The following IGSF10 variants were observed in gnomAD, a reference collection of about 807,000 sequenced individuals.
IGSF10 encodes calvaria mechanical force protein 608.
Under a neutral mutation model 128.2 loss-of-function variants are expected in IGSF10, and 126 were observed. The observed-to-expected ratio is 0.98, with a 90% CI of 0.85 to 1.14. The LOEUF (loss-of-function observed/expected upper bound fraction) is 1.14. Ranked by LOEUF, IGSF10 falls within the 50% of genes most tolerant of loss-of-function variation. IGSF10 has a pLI of 0.00. For synonymous variants in IGSF10, 1,185 were observed against 1,146.2 expected (o/e 1.03, Z -0.68); for missense variants, 3,295 against 3,149.8 (o/e 1.05, Z -1.10).
the IGSF10 span, among the ~76,000 whole-genome samples, chr3:151,618,271 G>C: frequency 1.3e-5 from 2 of 152,118 alleles, no homozygotes; most frequent in Admixed American, 6.5e-5. Context: ...TTGGACATCT[G>C]TCTCCAGAAT....
At chr3:151,492,724 C>T in the IGSF10 span, among the ~76,000 whole-genome samples, 1 of 122,318 alleles carries the variant, frequency 8.2e-6, no homozygotes, top group Non-Finnish European at 1.7e-5. Context: ...GTGTTTAAGA[C>T]TCATTCTCAA....
intron 6 of IGSF10, among the ~76,000 whole-genome samples, chr3:151,444,385 G>T (rs1004404819): frequency 6.6e-6 from 1 of 152,192 alleles, no homozygotes; most frequent in South Asian, 2.1e-4. Flanking sequence ...TTGGCTCACT[G>T]CAACCTCCGC....
In IGSF10 at chr3:151,436,416, A is replaced by G. The variant is rs1316577784; in HGVS notation, c.*273T>C. The G allele has an allele frequency of 1.4e-5, 4 of 278,304 alleles. No homozygotes were observed. Among genetic ancestry groups the G allele is most frequent in the East Asian group, 1.6e-4 (2 of 12,620 alleles). The allele number at this position is 278,304 out of a possible 1,614,324, so 17.2% of individuals were successfully genotyped here. A position where few individuals can be genotyped will look rare whatever the true frequency, so the allele number is the denominator to read the frequency against. ...AATTCAGGTACATTAGCCATTTGTTATTTTATAGTGAACCGTTTCAATGTT... is the reference window on the plus strand; with the variant it reads ...AATTCAGGTACATTAGCCATTTGTTGTTTTATAGTGAACCGTTTCAATGTT... On this transcript the variant is annotated 3_prime_UTR_variant, in exon 8 of 8. Transcript: ENST00000282466.
chr3:151,514,361 C>T, the IGSF10 span, among the ~76,000 whole-genome samples: 1 of 152,096 alleles, frequency 6.6e-6, no homozygotes, highest in South Asian at 2.1e-4. Flanking sequence ...GAAAAACAAG[C>T]AATGGGGAAA....
the IGSF10 span, among the ~76,000 whole-genome samples, chr3:151,546,856 C>T: frequency 0.013 from 2,029 of 152,102 alleles, 52 homozygotes; most frequent in African/African-American, 0.047. Context: ...TTGCAACCTC[C>T]GCCTCCCGGG....
At chr3:151,595,237 C>T in the IGSF10 span, among the ~76,000 whole-genome samples, 3 of 151,962 alleles carry the variant, frequency 2.0e-5, no homozygotes, top group Non-Finnish European at 2.9e-5. Context: ...ATAGAACTAC[C>T]GAATGACCCA....
chr3:151,440,600 G>T (rs1302274028), intron 7 of IGSF10: 5 of 456,594 alleles, frequency 1.1e-5, no homozygotes, highest in Non-Finnish European at 2.2e-5. Context: ...TGGTTCTCAA[G>T]CCTTACGCTT....
At chr3:151,493,923 C>T in the IGSF10 span, among the ~76,000 whole-genome samples, 1 of 151,902 alleles carries the variant, frequency 6.6e-6, no homozygotes, top group Non-Finnish European at 1.5e-5. Context: ...ATTTGTTGTT[C>T]TAAGTCACTA....
the IGSF10 span, among the ~76,000 whole-genome samples, chr3:151,487,824 G>A: frequency 2.6e-5 from 4 of 152,020 alleles, no homozygotes; most frequent in African/African-American, 4.8e-5. Context: ...TTGATGGAAC[G>A]TGTCTCAAAA....
In IGSF10 at chr3:151,445,316, T is replaced by TA. The variant is rs1336979169; in HGVS notation, c.4664dup (p.Thr1556AsnfsTer4). The TA allele has an allele frequency of 6.2e-7, 1 of 1,614,212 alleles. No individual in the cohort carries two copies. The highest frequency in any genetic ancestry group is 1.1e-5 in the South Asian group (1 of 91,082). On this transcript the variant is annotated frameshift_variant, in exon 6 of 8. Transcript: ENST00000282466. LOFTEE classifies it high-confidence loss of function. ...TAGAATTCTGTGATTTAACTGTTGT[T>TA]AGTGCTGGCATGGGAGTAGAATGTA...
chr3:151,444,795 T>C (rs1050911083), intron 6 of IGSF10, 124 bp downstream of exon 6: 2 of 810,362 alleles, frequency 2.5e-6, no homozygotes, highest in Non-Finnish European at 1.9e-6. Flanking sequence ...AGGATATTAA[T>C]AGTTTCTTTG....
At position 151,446,266 on chromosome 3, in the gene IGSF10, A is replaced by C. The variant is rs981968187; in HGVS notation, c.3715T>G (p.Ser1239Ala). ...ACTTTGTCTCTGGGTAAAGCAGGAG[A>C]TGTTTTAGGAAGCATCACAGCTGTG... ...KSTAVMLPKT[S>A]PALPRDKVSP... The change falls in exon 6 of 8, where the codon TCT becomes GCT. Residue 1239 changes from serine to alanine, a missense_variant. Coordinates refer to ENST00000282466, the MANE Select transcript of IGSF10 (RefSeq NM_178822.5). 70 of 1,613,842 alleles carry C rather than the reference A, an allele frequency of 4.3e-5. No individual in the cohort carries two copies. Among genetic ancestry groups the C allele is most frequent in the Non-Finnish European group, 5.3e-5 (63 of 1,179,862 alleles).
downstream of IGSF10, among the ~76,000 whole-genome samples, chr3:151,432,450 C>T (rs1380468264): frequency 6.6e-6 from 1 of 152,210 alleles, no homozygotes; most frequent in Non-Finnish European, 1.5e-5. Context: ...GAAACTTTTA[C>T]TGTATTCCTT....
At chr3:151,558,361 A>G in the IGSF10 span, among the ~76,000 whole-genome samples, 3 of 152,038 alleles carry the variant, frequency 2.0e-5, no homozygotes, top group African/African-American at 7.2e-5. Context: ...TGGCTTTACT[A>G]TCACAGAAAT....
chr3:151,547,433 C>T, the IGSF10 span, among the ~76,000 whole-genome samples: 25,036 of 141,248 alleles, frequency 0.18, 2,197 homozygotes, highest in East Asian at 0.23. Flanking sequence ...TATATATACA[C>T]ACACACACAC....
Position 151,438,485 on chromosome 3 carries a change from G to T in IGSF10, c.6076C>A (p.Leu2026Met). Residue 2026 changes from leucine (L) to methionine (M), a missense_variant, in exon 8 of 8, where the codon CTG becomes ATG. Coordinates refer to ENST00000282466, the MANE Select transcript of IGSF10 (RefSeq NM_178822.5). The stretch of plus-strand genomic sequence containing the variant: ...CTTAGGCTAACATGCATCAGTATCA[G>T]ATCATCCCCCATTTTGTTTCTTGCC... ...CVARNKMGDD[L>M]ILMHVSLRLK... 3 of 1,614,116 alleles carry T rather than the reference G, an allele frequency of 1.9e-6. No homozygotes were observed. The highest frequency in any genetic ancestry group is 2.5e-6 in the Non-Finnish European group (3 of 1,180,014).
chr3:151,572,668 A>G, the IGSF10 span, among the ~76,000 whole-genome samples: 5 of 152,138 alleles, frequency 3.3e-5, no homozygotes, highest in South Asian at 2.1e-4. Context: ...TCAAAAAAAC[A>G]GCTTCTGGAT....
chr3:151,432,705 A>G (rs774754236), downstream of IGSF10: 13 of 1,434,814 alleles, frequency 9.1e-6, no homozygotes, highest in African/African-American at 2.8e-5. Context: ...CCATCTGTGC[A>G]ATAGTTTTGT....
At chr3:151,449,536 G>GA (rs1214461467) in intron 5 of IGSF10, among the ~76,000 whole-genome samples, 2 of 151,984 alleles carry the variant, frequency 1.3e-5, no homozygotes, top group Non-Finnish European at 2.9e-5. Context: ...TATATATTTG[G>GA]TACCCAGTAA....
Sources: allele counts gnomAD v4.1 joint callset (sites outside exome capture counted in the v4.1 genomes callset), GRCh38; gene constraint gnomAD v4.1.1; transcripts MANE v1.5; gene names NCBI Gene and HGNC (gene_info 2026-07-23, HGNC 2026-07-21).